The following FSTL5 variants were observed in gnomAD, a reference collection of about 807,000 sequenced individuals.
FSTL5 encodes the protein follistatin like 5.
FSTL5 carries 62 observed loss-of-function variants against 89.1 expected under a neutral mutation model. That is an observed-to-expected ratio of 0.70 (90% CI 0.57 to 0.86). The LOEUF (loss-of-function observed/expected upper bound fraction) is 0.86. Ranked by LOEUF, FSTL5 falls within the 40% of genes least tolerant of loss-of-function variation. The pLI is 0.00. For missense variants in FSTL5, 1,057 were observed against 1,001.6 expected, an observed-to-expected ratio of 1.06 and a Z score of -0.75; for synonymous variants, 383 against 346.2, an observed-to-expected ratio of 1.11 and a Z score of -1.18.
chr4:162,075,973 A>G (rs991041796), intron 2 of FSTL5, among the ~76,000 whole-genome samples: 1 of 151,878 alleles, frequency 6.6e-6, no homozygotes, highest in Non-Finnish European at 1.5e-5. Context: ...TCATTATATA[A>G]AAGTGATTTC....
intron 3 of FSTL5, among the ~76,000 whole-genome samples, chr4:161,958,854 T>C (rs541871335): frequency 6.6e-6 from 1 of 152,274 alleles, no homozygotes; most frequent in South Asian, 2.1e-4. Context: ...TTTCTGTAGT[T>C]GTCTGGTATT....
At chr4:161,940,092 T>C (rs1176111873) in intron 3 of FSTL5, among the ~76,000 whole-genome samples, 5 of 151,814 alleles carry the variant, frequency 3.3e-5, no homozygotes, top group African/African-American at 4.8e-5. Context: ...TTACCAGTTA[T>C]TGTAAGAGCC....
intron 3 of FSTL5, among the ~76,000 whole-genome samples, chr4:162,023,532 T>A (rs1737172936): frequency 6.6e-6 from 1 of 152,114 alleles, no homozygotes; most frequent in South Asian, 2.1e-4. Context: ...AAGAACAAAG[T>A]ATTATCAATC....
At chr4:161,430,914 T>C (rs894447013) in intron 15 of FSTL5, among the ~76,000 whole-genome samples, 2 of 152,032 alleles carry the variant, frequency 1.3e-5, no homozygotes, top group Non-Finnish European at 1.5e-5. Flanking sequence ...ACATATTTAA[T>C]AGTGCTGAAG....
At chr4:161,735,135 A>G (rs776146011) in intron 6 of FSTL5, among the ~76,000 whole-genome samples, 12 of 152,284 alleles carry the variant, frequency 7.9e-5, no homozygotes, top group Non-Finnish European at 1.6e-4. Flanking sequence ...CTAGGATTCA[A>G]TTAATTTGCT....
chr4:161,476,525 G>C (rs1412787931), intron 13 of FSTL5, among the ~76,000 whole-genome samples: 1 of 151,920 alleles, frequency 6.6e-6, no homozygotes, highest in East Asian at 1.9e-4. Context: ...TTTTGCTTTT[G>C]TTTATTATTG....
chr4:162,131,366 A>C (rs371004343), intron 1 of FSTL5, among the ~76,000 whole-genome samples: 22 of 152,198 alleles, frequency 1.4e-4, no homozygotes, highest in African/African-American at 4.8e-4. Flanking sequence ...CATGGTGACA[A>C]ACTATGGATT....
At chr4:161,911,363 A>G (rs1288039832) in intron 4 of FSTL5, among the ~76,000 whole-genome samples, 1 of 152,154 alleles carries the variant, frequency 6.6e-6, no homozygotes, top group African/African-American at 2.4e-5. Flanking sequence ...TATTGTTTCT[A>G]CATATTGAAG....
Position 161,667,695 on chromosome 4 carries a change from ACTGATT to A in FSTL5, c.728-11207_728-11202del, listed in dbSNP as rs1407541751. Among the ~76,000 whole-genome samples the A allele has an allele frequency of 3.9e-5, 6 of 152,042 alleles. No individual in the cohort carries two copies. The East Asian group carries it at 1.2e-3, about 29-fold the overall frequency. On this transcript the variant is annotated intron_variant, in intron 6 of 15. Coordinates refer to ENST00000306100, the MANE Select transcript of FSTL5 (RefSeq NM_020116.5). ...TTCCCAACTGCCCTGTGAAGTACAT[ACTGATT>A]CTGATTTTTATTTTTATTTTTCTAC...
chr4:161,566,992 G>A (rs1206346530), intron 8 of FSTL5, among the ~76,000 whole-genome samples: 1 of 152,010 alleles, frequency 6.6e-6, no homozygotes, highest in African/African-American at 2.4e-5. Flanking sequence ...TGACACAGAT[G>A]TCAATGAATG....
chr4:161,541,011 GGATTTTA>G (rs1177892029), intron 9 of FSTL5, among the ~76,000 whole-genome samples: 10 of 151,682 alleles, frequency 6.6e-5, no homozygotes, highest in Admixed American at 3.3e-4. Context: ...TGCTTTCTTG[GGATTTTA>G]CTCTCTCTAA....
At chr4:161,579,749 G>GAAAAAAAAAAAAAAAAAAA (rs1733365091) in intron 8 of FSTL5, among the ~76,000 whole-genome samples, 1 of 35,424 alleles carries the variant, frequency 2.8e-5, no homozygotes, top group African/African-American at 7.2e-5. Flanking sequence ...AAAAAAGAAA[G>GAAAAAAAAAAAAAAAAAAA]AAAAAGAAAA....
chr4:161,824,984 A>G (rs370105563), intron 4 of FSTL5, among the ~76,000 whole-genome samples: 2 of 152,154 alleles, frequency 1.3e-5, no homozygotes, highest in East Asian at 1.9e-4. Flanking sequence ...TCTCAGAGGA[A>G]TGCTTTCAAC....
intron 4 of FSTL5, among the ~76,000 whole-genome samples, chr4:161,902,045 C>T (rs1733381737): frequency 6.6e-6 from 1 of 152,138 alleles, no homozygotes; most frequent in Non-Finnish European, 1.5e-5. Flanking sequence ...TTAGTTTCTT[C>T]ACCTAGATAT....
intron 6 of FSTL5, among the ~76,000 whole-genome samples, chr4:161,714,853 A>G (rs997032098): frequency 5.3e-5 from 8 of 152,062 alleles, no homozygotes; most frequent in Non-Finnish European, 1.0e-4. Context: ...GCCTGGGGTT[A>G]TTTTCTCTAT....
At chr4:161,922,428 C>A (rs1734017746) in intron 3 of FSTL5, among the ~76,000 whole-genome samples, 1 of 151,878 alleles carries the variant, frequency 6.6e-6, no homozygotes. Flanking sequence ...ATTTAAAAAA[C>A]TTAGCAAAAA....
At chr4:162,059,807 G>A (rs1738663246) in intron 2 of FSTL5, among the ~76,000 whole-genome samples, 3 of 152,032 alleles carry the variant, frequency 2.0e-5, no homozygotes, top group African/African-American at 7.2e-5. Flanking sequence ...GGGAAAAGAT[G>A]GACTGCAAAG....
intron 13 of FSTL5, among the ~76,000 whole-genome samples, chr4:161,468,942 A>G (rs762451797): frequency 2.6e-5 from 4 of 152,070 alleles, no homozygotes; most frequent in African/African-American, 7.2e-5. Flanking sequence ...TTTGACATGA[A>G]ATTTACCATC....
chr4:161,461,674 C>T lies in FSTL5; in HGVS notation c.1609-2355G>A, dbSNP rs143772015. On this transcript the variant is annotated intron_variant, in intron 13 of 15. Coordinates refer to ENST00000306100, the MANE Select transcript of FSTL5 (RefSeq NM_020116.5). ...GGATTCTGTTAATTGTGTTAGAATG[C>T]CAGATGTTTCATTTAAATTTTTTCA... is the stretch of plus-strand genomic sequence containing the variant. 2.0e-3 allele frequency among the ~76,000 whole-genome samples: 299 copies of T among 151,890 alleles called. 1 individual carries two copies. The highest frequency in any genetic ancestry group is 6.8e-3 in the Middle Eastern group (2 of 294).
Sources: allele counts gnomAD v4.1 joint callset (sites outside exome capture counted in the v4.1 genomes callset), GRCh38; gene constraint gnomAD v4.1.1; transcripts MANE v1.5; gene names NCBI Gene and HGNC (gene_info 2026-07-23, HGNC 2026-07-21).